CFAP61: variants seen among roughly 807,000 people sequenced by gnomAD.
CFAP61 encodes cilia and flagella associated protein 61.
A neutral mutation model predicts 135.6 loss-of-function variants in CFAP61; 107 were observed. The observed-to-expected ratio is 0.79, with a 90% CI of 0.67 to 0.93. CFAP61 has a LOEUF of 0.93. CFAP61 is among the 40% of genes least tolerant of loss of function. CFAP61 has a pLI of 0.00. For missense variants in CFAP61, 1,507 were observed against 1,556.2 expected (o/e 0.97, Z 0.53); for synonymous variants, 575 against 578.5 (o/e 0.99, Z 0.09).
intron 22 of CFAP61, among the ~76,000 whole-genome samples, chr20:20,280,149 G>C (rs1017498733): frequency 5.3e-5 from 8 of 152,144 alleles, no homozygotes; most frequent in African/African-American, 1.9e-4. Flanking sequence ...CTGGATCAAG[G>C]TTGGCCCTAA....
At chr20:20,218,321 T>C (rs919588164) in intron 17 of CFAP61, among the ~76,000 whole-genome samples, 11 of 152,218 alleles carry the variant, frequency 7.2e-5, no homozygotes, top group Non-Finnish European at 1.3e-4. Context: ...CTTTTGCTTC[T>C]TCCTCATTTT....
At chr20:20,298,527 TGAA>T (rs1305650333) in intron 25 of CFAP61, 141 bp downstream of exon 25, 2 of 716,150 alleles carry the variant, frequency 2.8e-6, no homozygotes, top group Non-Finnish European at 4.7e-6. Flanking sequence ...TTCGTTCTAA[TGAA>T]GAACACCTGA....
Position 20,360,554 on chromosome 20 carries a change from T to C in CFAP61, c.*144T>C. The stretch of plus-strand genomic sequence containing the variant: ...TTGTTCATTCCTTTCCTTCCCTGAC[T>C]TATGCCTGTAGTTTTCTATCATCCC... On this transcript the variant is annotated 3_prime_UTR_variant, in exon 27 of 27. Transcript: ENST00000245957. The C allele has an allele frequency of 1.5e-6, 1 of 667,966 alleles. No individual in the cohort carries two copies. The highest frequency in any genetic ancestry group is 2.5e-6 in the Non-Finnish European group (1 of 392,914). 41.4% of individuals were successfully genotyped at this position (667,966 alleles called of 1,614,324 possible).
chr20:20,355,741 G>A (rs1250951473), intron 26 of CFAP61, among the ~76,000 whole-genome samples: 782 of 142,758 alleles, frequency 5.5e-3, no homozygotes, highest in African/African-American at 0.02. Flanking sequence ...CTGAGGGGAG[G>A]TAGTGACACT....
chr20:20,104,832 C>T (rs1302799324), intron 8 of CFAP61, among the ~76,000 whole-genome samples: 1 of 152,172 alleles, frequency 6.6e-6, no homozygotes, highest in Non-Finnish European at 1.5e-5. Context: ...CCATCTTCTC[C>T]CCATGTCTTC....
At chr20:20,313,382 G>T (rs1375934429) in intron 25 of CFAP61, among the ~76,000 whole-genome samples, 1 of 152,208 alleles carries the variant, frequency 6.6e-6, no homozygotes. Context: ...GTCAGCCTGA[G>T]CAGGCTAAGA....
Position 20,191,327 on chromosome 20 carries a change from T to G in CFAP61, c.1513-15T>G. 1.2e-6 allele frequency: 2 copies of G among 1,608,960 alleles called. No homozygotes were observed. Among genetic ancestry groups the G allele is most frequent in the Non-Finnish European group, 1.7e-6 (2 of 1,175,912 alleles). ...ATATTTTTAAGGGTCTTAAAATATA[T>G]GCTTATCTTTTCAGGATGGAACACT... On this transcript the variant is annotated splice_polypyrimidine_tract_variant and intron_variant, in intron 14 of 26. Coordinates refer to ENST00000245957, the MANE Select transcript of CFAP61 (RefSeq NM_015585.4).
At chr20:20,075,420 A>ATTTTGT in intron 5 of CFAP61, 69 bp from the exon 6 acceptor site, 1 of 1,567,796 alleles carries the variant, frequency 6.4e-7, no homozygotes, top group Non-Finnish European at 8.8e-7. Flanking sequence ...TGGAAACTAC[A>ATTTTGT]TTTTGTTCTG....
intron 8 of CFAP61, among the ~76,000 whole-genome samples, chr20:20,107,065 T>C (rs932127587): frequency 6.6e-6 from 1 of 152,200 alleles, no homozygotes; most frequent in South Asian, 2.1e-4. Flanking sequence ...ATACTTTGAA[T>C]TCCCCCTTGA....
At chr20:20,336,833 A>C (rs2058209144) in intron 25 of CFAP61, among the ~76,000 whole-genome samples, 2 of 152,080 alleles carry the variant, frequency 1.3e-5, no homozygotes, top group Admixed American at 1.3e-4. Flanking sequence ...CCACCTCCCC[A>C]GCGTGCACCC....
intron 20 of CFAP61, 23 bp downstream of exon 20, chr20:20,251,786 C>T: frequency 6.2e-7 from 1 of 1,610,366 alleles, no homozygotes; most frequent in Non-Finnish European, 8.5e-7. Context: ...ACAGGGGGCG[C>T]AAGCCACGTG....
intron 8 of CFAP61, among the ~76,000 whole-genome samples, chr20:20,104,514 T>G (rs1239458783): frequency 2.0e-5 from 3 of 152,230 alleles, no homozygotes; most frequent in African/African-American, 7.2e-5. Context: ...GATTCCCTTC[T>G]ATTTTACTTT....
intron 9 of CFAP61, among the ~76,000 whole-genome samples, chr20:20,151,671 A>G (rs2052428656): frequency 6.6e-6 from 1 of 151,882 alleles, no homozygotes; most frequent in Non-Finnish European, 1.5e-5. Context: ...CTAAAAATAC[A>G]AAAACAAAAT....
At chr20:20,108,727 G>A (rs1401784544) in intron 8 of CFAP61, among the ~76,000 whole-genome samples, 6 of 151,666 alleles carry the variant, frequency 4.0e-5, no homozygotes, top group South Asian at 4.2e-4. Context: ...TTGCAGATAC[G>A]TTTTTTTCTT....
At chr20:20,305,014 G>T (rs1182034616) in intron 25 of CFAP61, among the ~76,000 whole-genome samples, 1 of 152,122 alleles carries the variant, frequency 6.6e-6, no homozygotes, top group Non-Finnish European at 1.5e-5. Context: ...CTTTGTATGA[G>T]CCCATCAGAT....
At chr20:20,234,555 C>T (rs938354000) in intron 18 of CFAP61, among the ~76,000 whole-genome samples, 4 of 152,068 alleles carry the variant, frequency 2.6e-5, no homozygotes, top group African/African-American at 9.7e-5. Flanking sequence ...AAAGAGATGG[C>T]ATTTAAGGAC....
At chr20:20,229,667 A>T (rs929778604) in intron 18 of CFAP61, among the ~76,000 whole-genome samples, 1 of 152,208 alleles carries the variant, frequency 6.6e-6, no homozygotes. Context: ...TATTTTGCTC[A>T]TTTAACATCA....
intron 17 of CFAP61, among the ~76,000 whole-genome samples, chr20:20,208,494 AG>A (rs1218088497): frequency 6.6e-6 from 1 of 152,228 alleles, no homozygotes; most frequent in Non-Finnish European, 1.5e-5. Context: ...CAGGATGGGG[AG>A]GGCCTCTTGT....
At chr20:20,236,500 T>C (rs1407323108) in intron 18 of CFAP61, among the ~76,000 whole-genome samples, 1 of 152,196 alleles carries the variant, frequency 6.6e-6, no homozygotes, top group Non-Finnish European at 1.5e-5. Flanking sequence ...CTAAGTCACA[T>C]CATTACTTTG....
Sources: allele counts gnomAD v4.1 joint callset (sites outside exome capture counted in the v4.1 genomes callset), GRCh38; gene constraint gnomAD v4.1.1; transcripts MANE v1.5; gene names NCBI Gene and HGNC (gene_info 2026-07-23, HGNC 2026-07-21).